PASD1: variants seen among roughly 807,000 people sequenced by gnomAD.
The protein encoded by PASD1 is PAS domain containing repressor 1.
Under a neutral mutation model 58.8 loss-of-function variants are expected in PASD1, and 13 were observed. The observed-to-expected ratio is 0.22, with a 90% confidence interval of 0.14 to 0.35. PASD1 has a LOEUF of 0.35. Ranked by LOEUF, PASD1 falls within the 10% of genes least tolerant of loss-of-function variation. The pLI, the probability that PASD1 is intolerant of heterozygous loss-of-function variation, is 1.00. For missense variants in PASD1, 734 were observed against 568.3 expected (o/e 1.29, Z -2.96); for synonymous variants, 236 against 216.7 (o/e 1.09, Z -0.78).
intron 1 of PASD1, among the ~76,000 whole-genome samples, chrX:151,576,943 T>C (rs898770996): frequency 1.8e-5 from 2 of 112,100 alleles, no homozygotes; most frequent in Non-Finnish European, 3.8e-5. Context: ...TCTTAAGATA[T>C]AACAATTAGA....
intron 11 of PASD1, among the ~76,000 whole-genome samples, chrX:151,669,105 C>G (rs965247876): frequency 9.4e-6 from 1 of 106,067 alleles, no homozygotes; most frequent in African/African-American, 3.4e-5. Flanking sequence ...GGATGTTAAT[C>G]TTTTTCTTAG....
intron 8 of PASD1, among the ~76,000 whole-genome samples, chrX:151,638,878 T>C: frequency 9.0e-6 from 1 of 111,722 alleles, no homozygotes; most frequent in Non-Finnish European, 1.9e-5. Context: ...GAGATTTAGG[T>C]CAAAGTTCAT....
At chrX:151,675,169 G>T (rs1188105984) in intron 15 of PASD1, among the ~76,000 whole-genome samples, 2 of 112,211 alleles carry the variant, frequency 1.8e-5, no homozygotes, top group African/African-American at 3.2e-5. Flanking sequence ...GCCCAGGGAA[G>T]TGGGAAAGGT....
intron 10 of PASD1, among the ~76,000 whole-genome samples, chrX:151,661,542 G>A (rs775136428): frequency 2.7e-4 from 30 of 112,346 alleles, no homozygotes; most frequent in Admixed American, 8.5e-4. Flanking sequence ...CCTTCATTTA[G>A]CTTCCCCTAA....
At chrX:151,564,687 G>T (rs1218627478) in intron 1 of PASD1, among the ~76,000 whole-genome samples, 2 of 102,731 alleles carry the variant, frequency 1.9e-5, no homozygotes, top group Non-Finnish European at 4.0e-5. Context: ...AGCTAGGGCG[G>T]ACTTAGCGAG....
At chrX:151,586,573 C>G (rs138618576) in intron 1 of PASD1, among the ~76,000 whole-genome samples, 15,281 of 110,810 alleles carry the variant, frequency 0.14, 867 homozygotes, top group Middle Eastern at 0.16. Flanking sequence ...TACACAGGAC[C>G]TAGTATGTAT....
At chrX:151,587,168 A>G (rs948259628) in intron 1 of PASD1, among the ~76,000 whole-genome samples, 2 of 110,243 alleles carry the variant, frequency 1.8e-5, no homozygotes, top group East Asian at 5.7e-4. Context: ...AAAGGGGGAA[A>G]TCAGTAAGAA....
intron 4 of PASD1, among the ~76,000 whole-genome samples, chrX:151,613,250 A>G (rs369731278): frequency 2.7e-5 from 3 of 111,006 alleles, no homozygotes; most frequent in African/African-American, 6.6e-5. Flanking sequence ...GTCAGGTAGT[A>G]TGATGCCTCC....
intron 1 of PASD1, among the ~76,000 whole-genome samples, chrX:151,599,531 G>T (rs1474720775): frequency 1.8e-5 from 2 of 109,672 alleles, no homozygotes; most frequent in Non-Finnish European, 3.8e-5. Flanking sequence ...GGGTGGAGGG[G>T]CTCCTCACTT....
At chrX:151,620,352 G>A (rs1047522325) in intron 4 of PASD1, among the ~76,000 whole-genome samples, 1 of 110,805 alleles carries the variant, frequency 9.0e-6, no homozygotes, top group African/African-American at 3.3e-5. Flanking sequence ...TCAGGTAGGA[G>A]CTTATTCATT....
chrX:151,651,896 C>T (rs1459297977), intron 9 of PASD1, among the ~76,000 whole-genome samples: 1 of 112,232 alleles, frequency 8.9e-6, no homozygotes, highest in Non-Finnish European at 1.9e-5. Context: ...TCTGTCTGAT[C>T]TCAGTATCTA....
Position 151,604,660 on chromosome X carries a change from A to G in PASD1, c.43A>G (p.Lys15Glu). ...TTTCTAAAAAGACAAAGTCAATCCA[A>G]AAAGCTCTCAAAGGAAATTAAACTG... Reference protein sequence around the residue: ...GEKRRDKVNPKSSQRKLNWIP... With the variant: ...GEKRRDKVNPESSQRKLNWIP... The change falls in exon 3 of 16, where the codon AAA becomes GAA. Residue 15 changes from lysine (K) to glutamate (E), a missense_variant. Physicochemically the swap from Lys to Glu is moderately conservative, Grantham distance 56. Transcript: ENST00000370357. 1 of 1,204,576 alleles carries G rather than the reference A, an allele frequency of 8.3e-7. No homozygotes were observed. The highest frequency in any genetic ancestry group is 1.1e-6 in the Non-Finnish European group (1 of 890,398).
At chrX:151,579,305 T>A (rs1044288869) in intron 1 of PASD1, among the ~76,000 whole-genome samples, 1 of 112,147 alleles carries the variant, frequency 8.9e-6, no homozygotes, top group Non-Finnish European at 1.9e-5. Flanking sequence ...CTTTGCAAAA[T>A]TTTTTAATAA....
intron 8 of PASD1, among the ~76,000 whole-genome samples, chrX:151,630,323 A>C (rs1178290825): frequency 1.8e-5 from 2 of 111,792 alleles, no homozygotes; most frequent in Non-Finnish European, 3.8e-5. Context: ...GTAAGGCAGG[A>C]CCTGTCACCC....
intron 11 of PASD1, among the ~76,000 whole-genome samples, chrX:151,668,015 T>C (rs1454639509): frequency 9.0e-6 from 1 of 111,415 alleles, no homozygotes; most frequent in African/African-American, 3.3e-5. Flanking sequence ...CATACCTGAT[T>C]GCCCTGGCCA....
At chrX:151,599,956 G>T (rs1180177353) in intron 1 of PASD1, among the ~76,000 whole-genome samples, 1 of 112,057 alleles carries the variant, frequency 8.9e-6, no homozygotes, top group Non-Finnish European at 1.9e-5. Flanking sequence ...TCACGCCACT[G>T]CACACCAGCC....
At chrX:151,667,769 T>G in intron 11 of PASD1, among the ~76,000 whole-genome samples, 1 of 112,006 alleles carries the variant, frequency 8.9e-6, no homozygotes. Context: ...TACCATGCTG[T>G]TTTGGTTACT....
At chrX:151,649,248 C>A (rs1195122776) in intron 9 of PASD1, among the ~76,000 whole-genome samples, 1 of 111,846 alleles carries the variant, frequency 8.9e-6, no homozygotes, top group Non-Finnish European at 1.9e-5. Context: ...TCCCAGAAGG[C>A]ATTTCCCACG....
chrX:151,621,409 A>G, intron 5 of PASD1, 73 bp from the exon 6 acceptor site: 1 of 767,896 alleles, frequency 1.3e-6, no homozygotes, highest in Non-Finnish European at 1.9e-6. Context: ...GACATTGGTC[A>G]TATGAAATAA....
Sources: gnomAD v4.1 joint callset for allele counts (sites outside exome capture counted in the v4.1 genomes callset) on GRCh38, gnomAD v4.1.1 for gene constraint, MANE v1.5 for transcripts, NCBI Gene and HGNC (gene_info 2026-07-23, HGNC 2026-07-21) for gene names.